Variants in PVT1 observed in about 807,000 individuals in gnomAD.
The protein encoded by PVT1 is CXCR4/PVT1 fusion.
chr8:127,845,088 G>A (rs1815017607), intron 2 of PVT1, among the ~76,000 whole-genome samples: 2 of 152,208 alleles, frequency 1.3e-5, no homozygotes, highest in African/African-American at 4.8e-5. Flanking sequence ...TGTGGGGGGT[G>A]TTGGTTGTAG....
At chr8:128,058,052 A>G (rs1217469069) in intron 4 of PVT1, among the ~76,000 whole-genome samples, 1 of 152,160 alleles carries the variant, frequency 6.6e-6, no homozygotes, top group African/African-American at 2.4e-5. Flanking sequence ...CTCTCTGCAA[A>G]TACTGTAGAA....
At position 127,908,602 on chromosome 8, in the gene PVT1, A is replaced by G. The variant is rs187275122; in HGVS notation, n.782+17604A>G. 4.6e-5 allele frequency among the ~76,000 whole-genome samples: 7 copies of G among 151,922 alleles called. No individual in the cohort carries two copies. The East Asian group carries it at 1.4e-3, about 29-fold the overall frequency. ...TGATCCGCCCACCTCAGCCTCCCAA[A>G]GTGTTGGGATTACAGGCGTGAGCCA... On this transcript the variant is annotated intron_variant and non_coding_transcript_variant, in intron 3 of 10. Transcript: ENST00000651587.
intron 2 of PVT1, among the ~76,000 whole-genome samples, chr8:127,812,252 AAGGCAGGAAGGC>A (rs1814604998): frequency 2.4e-5 from 3 of 122,698 alleles, no homozygotes; most frequent in African/African-American, 1.1e-4. Flanking sequence ...GGAAGGCAGG[AAGGCAGGAAGGC>A]AGGAAGGAAG....
chr8:127,881,113 G>T (rs1815462204), intron 2 of PVT1, among the ~76,000 whole-genome samples: 1 of 152,194 alleles, frequency 6.6e-6, no homozygotes, highest in Non-Finnish European at 1.5e-5. Flanking sequence ...CCTCCTCCTT[G>T]TGGAGACCCA....
intron 2 of PVT1, among the ~76,000 whole-genome samples, chr8:127,849,071 G>C (rs1815072132): frequency 6.6e-6 from 1 of 152,200 alleles, no homozygotes; most frequent in Non-Finnish European, 1.5e-5. Context: ...ACCCTGATTG[G>C]TTGGGTGGCT....
At chr8:127,928,531 C>A (rs1438694661) in intron 3 of PVT1, among the ~76,000 whole-genome samples, 1 of 152,216 alleles carries the variant, frequency 6.6e-6, no homozygotes, top group East Asian at 1.9e-4. Flanking sequence ...ACCAAATGGA[C>A]CATCTTGTCC....
In PVT1 at chr8:127,898,490, T is replaced by G. The variant is rs1815715162; in HGVS notation, n.782+7492T>G. Among the ~76,000 whole-genome samples, 1 of 152,164 alleles carries G rather than the reference T, an allele frequency of 6.6e-6. No homozygotes were observed. The highest frequency in any genetic ancestry group is 2.4e-5 in the African/African-American group (1 of 41,432). ...TCAGGGAACCTTCAGGGAAAAGGCT[T>G]TGGAGACCAAGCTAGGCAGGGAAGC... On this transcript the variant is annotated intron_variant and non_coding_transcript_variant, in intron 3 of 10. Transcript: ENST00000651587. The surrounding 1 kb of genome is among the most constrained non-coding windows in gnomAD (Gnocchi z 4.4).
intron 4 of PVT1, among the ~76,000 whole-genome samples, chr8:128,037,729 T>A (rs750286434): frequency 6.6e-6 from 1 of 152,144 alleles, no homozygotes; most frequent in African/African-American, 2.4e-5. Context: ...CGAAGCTCAG[T>A]CTCTGCCCCT....
intron 3 of PVT1, among the ~76,000 whole-genome samples, chr8:127,941,161 T>C (rs1358848285): frequency 6.6e-6 from 1 of 152,192 alleles, no homozygotes; most frequent in Non-Finnish European, 1.5e-5. Context: ...CCAGCAATGG[T>C]GGGTCCAGTT....
intron 3 of PVT1, among the ~76,000 whole-genome samples, chr8:127,942,231 T>A (rs1816361409): frequency 6.6e-6 from 1 of 152,160 alleles, no homozygotes; most frequent in Admixed American, 6.5e-5. Context: ...AATGAAGAAT[T>A]TCCACGGCTT....
chr8:128,098,280 G>GTGC (rs1814454092), intron 6 of PVT1, among the ~76,000 whole-genome samples: 1 of 152,226 alleles, frequency 6.6e-6, no homozygotes, highest in Admixed American at 6.5e-5. Flanking sequence ...ACAAAGAACA[G>GTGC]TGCTGGAGGC....
At chr8:127,935,088 G>A (rs1012994260) in intron 3 of PVT1, among the ~76,000 whole-genome samples, 4 of 151,910 alleles carry the variant, frequency 2.6e-5, no homozygotes, top group Non-Finnish European at 5.9e-5. Flanking sequence ...TGCCTCAGCC[G>A]CCGTAGTAGC....
chr8:127,830,298 T>G (rs1202028110), intron 2 of PVT1, among the ~76,000 whole-genome samples: 1 of 152,076 alleles, frequency 6.6e-6, no homozygotes, highest in Non-Finnish European at 1.5e-5. Flanking sequence ...CAAGCCTGAT[T>G]ATTTGAGGAA....
At chr8:127,893,338 G>A (rs868000203) in intron 3 of PVT1, among the ~76,000 whole-genome samples, 3 of 151,976 alleles carry the variant, frequency 2.0e-5, no homozygotes, top group African/African-American at 4.8e-5. Context: ...GTGCAGTGGC[G>A]CAATCTCGGC....
intron 5 of PVT1, among the ~76,000 whole-genome samples, chr8:128,092,178 C>A (rs370652464): frequency 1.7e-4 from 26 of 152,282 alleles, no homozygotes; most frequent in African/African-American, 5.5e-4. Context: ...AGCCAGCCCC[C>A]CTGCTGTTTC....
At chr8:127,849,707 C>G (rs79805973) in intron 2 of PVT1, among the ~76,000 whole-genome samples, 1 of 69,478 alleles carries the variant, frequency 1.4e-5, no homozygotes, top group Non-Finnish European at 2.7e-5. Flanking sequence ...GTGTGTGTGC[C>G]CCTGCGTGCA....
intron 5 of PVT1, among the ~76,000 whole-genome samples, chr8:128,085,229 C>A (rs1035406633): frequency 6.6e-6 from 1 of 152,056 alleles, no homozygotes; most frequent in East Asian, 1.9e-4. Context: ...TCCTGAGAGC[C>A]GCCATCTTGG....
intron 2 of PVT1, among the ~76,000 whole-genome samples, chr8:127,867,531 C>T (rs1183962634): frequency 6.6e-6 from 1 of 152,220 alleles, no homozygotes; most frequent in African/African-American, 2.4e-5. Context: ...CTCTGCTGAA[C>T]CAGCACTTAC....
intron 4 of PVT1, among the ~76,000 whole-genome samples, chr8:128,060,235 G>A (rs753700442): frequency 4.6e-5 from 7 of 152,166 alleles, no homozygotes; most frequent in African/African-American, 7.2e-5. Flanking sequence ...CAGCCTGGGC[G>A]ACAGAGTGAG....
Sources: allele counts gnomAD v4.1 joint callset (sites outside exome capture counted in the v4.1 genomes callset), GRCh38; gene constraint gnomAD v4.1.1; non-coding constraint Gnocchi (gnomAD v3.1); transcripts MANE v1.5; gene names NCBI Gene and HGNC (gene_info 2026-07-23, HGNC 2026-07-21).